EPB41L3: variants seen among roughly 807,000 people sequenced by gnomAD.
The protein encoded by EPB41L3 is band 4.1-like protein 3.
A neutral mutation model predicts 127.1 loss-of-function variants in EPB41L3; 57 were observed. That is an observed-to-expected ratio of 0.45 (90% CI 0.36 to 0.56). The LOEUF (loss-of-function observed/expected upper bound fraction) is 0.56. Ranked by LOEUF, EPB41L3 falls within the 20% of genes least tolerant of loss-of-function variation. The pLI is 0.00. For missense variants in EPB41L3, 1,273 were observed against 1,372.2 expected (o/e 0.93, Z 1.14); for synonymous variants, 572 against 549.5 (o/e 1.04, Z -0.57).
intron 3 of EPB41L3, among the ~76,000 whole-genome samples, chr18:5,561,226 C>T (rs1434753581): frequency 1.3e-5 from 2 of 152,108 alleles, no homozygotes; most frequent in Non-Finnish European, 2.9e-5. Flanking sequence ...ATCCGCCCGC[C>T]TCGGCCTCCC....
rs762053703 is a variant in EPB41L3, at chr18:5,489,116, G to A, written c.68C>T (p.Ala23Val). The A allele has an allele frequency of 1.1e-5, 18 of 1,594,180 alleles. No individual in the cohort carries two copies. The highest frequency in any genetic ancestry group is 1.8e-5 in the Admixed American group (1 of 55,600). The change falls in exon 2 of 23, where the codon GCG (alanine) becomes GTG (valine). Residue 23 changes from alanine to valine, a missense_variant. Physicochemically the swap from Ala to Val is moderately conservative, Grantham distance 64. This residue lies in a region of EPB41L3 where 182 missense variants were observed against 149.2 expected (regional missense o/e 1.22). Coordinates refer to ENST00000341928, the MANE Select transcript of EPB41L3 (RefSeq NM_012307.5). ...CGCCCCCGCGCGCCCCTGCGCCCCC[G>A]CCGCCTCCTGGGGCTCGGCCTCCTG... ...PDQEAEPQEAAGAQGRAGAPV... is the reference protein window; with the variant it reads ...PDQEAEPQEAVGAQGRAGAPV...
intron 3 of EPB41L3, chr18:5,570,845 A>C (rs1044747318): frequency 1.3e-5 from 2 of 152,168 alleles, no homozygotes; most frequent in Non-Finnish European, 2.9e-5. Context: ...GAGATGTCAG[A>C]GGTTAAGGAG....
At chr18:5,517,561 G>A (rs1719947) in intron 1 of EPB41L3, among the ~76,000 whole-genome samples, 36,435 of 151,776 alleles carry the variant, frequency 0.24, 4,799 homozygotes, top group African/African-American at 0.34. Flanking sequence ...TCAGCTTTCC[G>A]AGTAGCTGGG....
At chr18:5,490,652 CT>C in intron 1 of EPB41L3, among the ~76,000 whole-genome samples, 1 of 152,166 alleles carries the variant, frequency 6.6e-6, no homozygotes, top group Non-Finnish European at 1.5e-5. Context: ...AACAGACTTT[CT>C]TTTTTCCTGT....
intron 13 of EPB41L3, among the ~76,000 whole-genome samples, chr18:5,412,996 A>G (rs1906352442): frequency 6.6e-6 from 1 of 152,154 alleles, no homozygotes; most frequent in African/African-American, 2.4e-5. Context: ...TTAGTCAGTC[A>G]GTCAGTAGTA....
chr18:5,583,903 G>A (rs2094418867), intron 3 of EPB41L3, among the ~76,000 whole-genome samples: 1 of 152,098 alleles, frequency 6.6e-6, no homozygotes, highest in East Asian at 1.9e-4. Context: ...CTGCCTCCCG[G>A]GTTCATGCGA....
At chr18:5,425,302 C>T (rs74363568) in intron 9 of EPB41L3, among the ~76,000 whole-genome samples, 7,984 of 152,216 alleles carry the variant, frequency 0.052, 312 homozygotes, top group African/African-American at 0.11. Context: ...AAGTGGGAAA[C>T]ACATCACAAA....
At chr18:5,525,019 TC>T (rs2093165961) in intron 1 of EPB41L3, among the ~76,000 whole-genome samples, 1 of 152,244 alleles carries the variant, frequency 6.6e-6, no homozygotes, top group Non-Finnish European at 1.5e-5. Context: ...TTTCAGTTCT[TC>T]ATTTCTAATC....
At chr18:5,509,054 A>T (rs1382124344) in intron 1 of EPB41L3, among the ~76,000 whole-genome samples, 1 of 152,236 alleles carries the variant, frequency 6.6e-6, no homozygotes, top group Non-Finnish European at 1.5e-5. Flanking sequence ...TGAAGGTAAT[A>T]AAGCCAACAG....
At chr18:5,535,359 A>G (rs2093540416) in intron 1 of EPB41L3, among the ~76,000 whole-genome samples, 1 of 152,218 alleles carries the variant, frequency 6.6e-6, no homozygotes, top group African/African-American at 2.4e-5. Flanking sequence ...CATTTCAAGA[A>G]TTCAGAGGAA....
chr18:5,597,813 G>T (rs1228695910), intron 3 of EPB41L3, among the ~76,000 whole-genome samples: 1 of 152,054 alleles, frequency 6.6e-6, no homozygotes, highest in East Asian at 1.9e-4. Flanking sequence ...CCCCCAAGTG[G>T]GGTGTGACTT....
At chr18:5,399,241 T>C (rs1366913408) in intron 16 of EPB41L3, 9 of 398,968 alleles carry the variant, frequency 2.3e-5, no homozygotes, top group Non-Finnish European at 4.0e-5. Context: ...CTTTGCATTT[T>C]AATAGTGCCA....
At chr18:5,586,930 C>A (rs1402220529) in intron 3 of EPB41L3, among the ~76,000 whole-genome samples, 1 of 152,066 alleles carries the variant, frequency 6.6e-6, no homozygotes, top group African/African-American at 2.4e-5. Context: ...TGTTCAGAAA[C>A]CTCACAGTTC....
chr18:5,455,978 G>T (rs1007610333), intron 3 of EPB41L3, among the ~76,000 whole-genome samples: 1 of 152,012 alleles, frequency 6.6e-6, no homozygotes, highest in African/African-American at 2.4e-5. Context: ...TCTGAATGAC[G>T]TGAAACTTTG....
At chr18:5,513,650 A>G (rs913506579) in intron 1 of EPB41L3, among the ~76,000 whole-genome samples, 2 of 152,226 alleles carry the variant, frequency 1.3e-5, no homozygotes, top group African/African-American at 2.4e-5. Flanking sequence ...AACTTTTCTG[A>G]GCCTTGGCTT....
intron 3 of EPB41L3, among the ~76,000 whole-genome samples, chr18:5,600,320 T>C (rs967207848): frequency 1.3e-4 from 20 of 152,266 alleles, no homozygotes; most frequent in African/African-American, 4.8e-4. Context: ...CAACCTAAAA[T>C]TATATTTGGA....
rs1167519134 is a variant in EPB41L3 at position 5,428,385 on chromosome 18, T to C, written c.993A>G (p.Arg331=). The change falls in exon 9 of 23, where the codon AGA becomes AGG. Residue 331 remains arginine (R), a synonymous_variant. Transcript: ENST00000341928. ...LIYRDRLRIN[R]FAWPKVLKIS... ...TCTTTAGAACCTTGGGCCAGGCAAATCTGTTTATTCGCAGCCGGTCGCGAT... is the reference window on the plus strand; with the variant it reads ...TCTTTAGAACCTTGGGCCAGGCAAACCTGTTTATTCGCAGCCGGTCGCGAT... 1.2e-6 allele frequency: 2 copies of C among 1,614,200 alleles called. No individual in the cohort carries two copies. Among genetic ancestry groups the C allele is most frequent in the Non-Finnish European group, 1.7e-6 (2 of 1,180,048 alleles).
intron 3 of EPB41L3, chr18:5,610,189 T>C: frequency 2.0e-6 from 2 of 985,358 alleles, no homozygotes; most frequent in Non-Finnish European, 2.4e-6. Flanking sequence ...TATTTCCAGA[T>C]GATTGGCAGG....
intron 3 of EPB41L3, among the ~76,000 whole-genome samples, chr18:5,584,079 G>A (rs1382989362): frequency 6.6e-6 from 1 of 152,202 alleles, no homozygotes. Context: ...TAGGATTACA[G>A]GTGTGAGCCT....
Sources: gnomAD v4.1 joint callset for allele counts (sites outside exome capture counted in the v4.1 genomes callset) on GRCh38, gnomAD v4.1.1 for gene constraint, gnomAD v4.1.1 regional missense constraint, MANE v1.5 for transcripts, NCBI Gene and HGNC (gene_info 2026-07-23, HGNC 2026-07-21) for gene names.